SDK1: variants seen among roughly 807,000 people sequenced by gnomAD.
The protein encoded by SDK1 is sidekick cell adhesion molecule 1, also known as protein sidekick-1.
Under a neutral mutation model 245.5 loss-of-function variants are expected in SDK1, and 157 were observed. The ratio of observed to expected loss-of-function variants is 0.64; its 90% CI spans 0.56 to 0.73. SDK1 has a LOEUF of 0.73. SDK1 is among the 30% of genes least tolerant of loss of function. The pLI, the probability that SDK1 is intolerant of heterozygous loss-of-function variation, is 0.00. For missense variants in SDK1, 3,583 were observed against 3,002.3 expected (o/e 1.19, Z -4.52); for synonymous variants, 1,647 against 1,278.5 (o/e 1.29, Z -6.15).
chr7:4,085,501 G>GT (rs1290410510), intron 22 of SDK1, among the ~76,000 whole-genome samples: 11 of 151,936 alleles, frequency 7.2e-5, no homozygotes, highest in Middle Eastern at 3.4e-3. Flanking sequence ...GACTTGTTTT[G>GT]TTTTTTTGCT....
intron 4 of SDK1, among the ~76,000 whole-genome samples, chr7:3,711,823 G>A (rs1286017629): frequency 6.6e-6 from 1 of 152,158 alleles, no homozygotes; most frequent in Non-Finnish European, 1.5e-5. Context: ...GGAAGCTGGG[G>A]GCGTTGTGAT....
chr7:3,781,990 C>G (rs1375898219), intron 4 of SDK1, among the ~76,000 whole-genome samples: 1 of 152,176 alleles, frequency 6.6e-6, no homozygotes, highest in Non-Finnish European at 1.5e-5. Flanking sequence ...GCACCAGAAA[C>G]TATATTTAAA....
intron 5 of SDK1, among the ~76,000 whole-genome samples, chr7:3,863,229 G>A (rs1780739308): frequency 6.6e-6 from 1 of 152,152 alleles, no homozygotes; most frequent in Non-Finnish European, 1.5e-5. Flanking sequence ...GGAATGAATA[G>A]TGTTAGCCCT....
rs1398042497 is a variant in SDK1 at position 3,452,637 on chromosome 7, C to G, written c.298+150753C>G. Among the ~76,000 whole-genome samples the G allele has an allele frequency of 2.6e-5, 4 of 152,116 alleles. 1 individual carries two copies. Among genetic ancestry groups the G allele is most frequent in the Non-Finnish European group, 5.9e-5 (4 of 68,016 alleles). The stretch of plus-strand genomic sequence containing the variant: ...AGTGAAAGATGGAAATATTTGCCAA[C>G]CAGCTATGTTATAGAAGAACTTCCT... On this transcript the variant is annotated intron_variant, in intron 1 of 44. Coordinates refer to ENST00000404826, the MANE Select transcript of SDK1 (RefSeq NM_152744.4).
At chr7:3,811,669 C>A (rs1031021512) in intron 4 of SDK1, among the ~76,000 whole-genome samples, 1 of 152,178 alleles carries the variant, frequency 6.6e-6, no homozygotes, top group Non-Finnish European at 1.5e-5. Context: ...AGCCCCAGGC[C>A]AGCCCCGCAG....
intron 1 of SDK1, among the ~76,000 whole-genome samples, chr7:3,324,913 A>T (rs1303819130): frequency 6.6e-6 from 1 of 152,160 alleles, no homozygotes; most frequent in Non-Finnish European, 1.5e-5. Flanking sequence ...ACAGAAGGTA[A>T]ACTTTCCATG....
At chr7:3,589,344 T>A (rs1388494742) in intron 1 of SDK1, among the ~76,000 whole-genome samples, 2 of 152,222 alleles carry the variant, frequency 1.3e-5, no homozygotes, top group Admixed American at 1.3e-4. Flanking sequence ...ATGGGCCTTT[T>A]GACATCAGTA....
chr7:3,616,529 C>G (rs906438349), intron 1 of SDK1, among the ~76,000 whole-genome samples: 1 of 152,208 alleles, frequency 6.6e-6, no homozygotes, highest in Non-Finnish European at 1.5e-5. Flanking sequence ...GCTGCCAACA[C>G]TTTTGTTCTC....
At chr7:3,770,945 C>T (rs1449435201) in intron 4 of SDK1, among the ~76,000 whole-genome samples, 1 of 152,128 alleles carries the variant, frequency 6.6e-6, no homozygotes, top group African/African-American at 2.4e-5. Flanking sequence ...GGGTCCCTAG[C>T]CAGTTTTCCT....
At chr7:4,030,983 T>C (rs1787769963) in intron 17 of SDK1, among the ~76,000 whole-genome samples, 1 of 151,992 alleles carries the variant, frequency 6.6e-6, no homozygotes, top group African/African-American at 2.4e-5. Flanking sequence ...AAGGACCAGG[T>C]TTCATAACAG....
rs750943197 is a variant in SDK1, at chr7:3,821,601, A to C, written c.847+18A>C. 1.2e-5 allele frequency: 20 copies of C among 1,610,238 alleles called. No homozygotes were observed. Among genetic ancestry groups the C allele is most frequent in the Non-Finnish European group, 1.4e-5 (16 of 1,178,660 alleles). ...CATAGCAAGTGAGTTTTGAAATCCC[A>C]AATGGTAATTCTGCAAGCAATAAAA... On this transcript the variant is annotated intron_variant, in intron 5 of 44. Coordinates refer to ENST00000404826, the MANE Select transcript of SDK1 (RefSeq NM_152744.4).
chr7:3,370,905 GCTC>G (rs1179405464), intron 1 of SDK1, among the ~76,000 whole-genome samples: 2 of 152,086 alleles, frequency 1.3e-5, no homozygotes, highest in East Asian at 3.9e-4. Context: ...GTCTCCACTA[GCTC>G]CTTTCTCTCC....
intron 1 of SDK1, among the ~76,000 whole-genome samples, chr7:3,548,711 C>G (rs1384426353): frequency 6.6e-6 from 1 of 152,062 alleles, no homozygotes; most frequent in Non-Finnish European, 1.5e-5. Context: ...GTTTAATATC[C>G]CACTATTTTT....
intron 4 of SDK1, among the ~76,000 whole-genome samples, chr7:3,698,342 C>T (rs148774389): frequency 6.8e-4 from 103 of 152,268 alleles, no homozygotes; most frequent in African/African-American, 2.2e-3. Flanking sequence ...TGTGGTCACG[C>T]GTTCCCTCTC....
chr7:3,433,272 G>A (rs1779920658), intron 1 of SDK1, among the ~76,000 whole-genome samples: 1 of 152,104 alleles, frequency 6.6e-6, no homozygotes, highest in Non-Finnish European at 1.5e-5. Context: ...TGTTAAACCA[G>A]ACTGCTGTAA....
rs1266766218 is a variant in SDK1, at chr7:3,615,348, G to C, written c.299-3732G>C. Among the ~76,000 whole-genome samples, 4 of 151,594 alleles carry C rather than the reference G, an allele frequency of 2.6e-5. 1 individual carries two copies. Among genetic ancestry groups the C allele is most frequent in the Non-Finnish European group, 5.9e-5 (4 of 67,814 alleles). On this transcript the variant is annotated intron_variant, in intron 1 of 44. Transcript: ENST00000404826. ...TTTTTGCTGAAGTACATAGGAAAAAGGAAATTGGACACATGGCTACATTCA... is the reference window on the plus strand; with the variant it reads ...TTTTTGCTGAAGTACATAGGAAAAACGAAATTGGACACATGGCTACATTCA...
intron 1 of SDK1, among the ~76,000 whole-genome samples, chr7:3,542,074 T>A (rs1022292700): frequency 2.6e-5 from 4 of 152,226 alleles, no homozygotes; most frequent in Admixed American, 6.5e-5. Flanking sequence ...TTGACACAAT[T>A]ATATTTTAAC....
chr7:3,671,291 T>G (rs752836891), intron 4 of SDK1, among the ~76,000 whole-genome samples: 37 of 152,232 alleles, frequency 2.4e-4, no homozygotes, highest in Non-Finnish European at 3.4e-4. Flanking sequence ...AAGCTTAATG[T>G]TCTCTAGAAT....
chr7:4,119,395 C>T (rs1208209345), intron 25 of SDK1, among the ~76,000 whole-genome samples: 1 of 148,324 alleles, frequency 6.7e-6, no homozygotes, highest in Non-Finnish European at 1.5e-5. Context: ...GTCGAGCCTG[C>T]CATGAACTAC....
Sources: gnomAD v4.1 joint callset for allele counts (sites outside exome capture counted in the v4.1 genomes callset) on GRCh38, gnomAD v4.1.1 for gene constraint, MANE v1.5 for transcripts, NCBI Gene and HGNC (gene_info 2026-07-23, HGNC 2026-07-21) for gene names.